Variants in SLC38A9 observed in about 807,000 individuals in gnomAD.
SLC38A9 encodes the protein solute carrier family 38 member 9, also known as neutral amino acid transporter 9.
SLC38A9 carries 48 observed loss-of-function variants against 62.3 expected under a neutral mutation model. The observed-to-expected ratio is 0.77, with a 90% CI of 0.61 to 0.98. The LOEUF is 0.98. Among genes scored for constraint, SLC38A9 ranks in the 50% least tolerant of loss-of-function variants. SLC38A9 has a pLI of 0.00. For missense variants in SLC38A9, 541 were observed against 679.8 expected, an observed-to-expected ratio of 0.80 and a Z score of 2.27; for synonymous variants, 204 against 227.7, an observed-to-expected ratio of 0.90 and a Z score of 0.94.
chr5:55,650,635 T>C (rs576647678), intron 10 of SLC38A9, among the ~76,000 whole-genome samples: 3 of 152,332 alleles, frequency 2.0e-5, no homozygotes, highest in Non-Finnish European at 4.4e-5. Context: ...CGCCAGAGCT[T>C]ATATAACCAC....
At chr5:55,660,299 G>A (rs1226623995) in intron 8 of SLC38A9, among the ~76,000 whole-genome samples, 1 of 151,988 alleles carries the variant, frequency 6.6e-6, no homozygotes, top group African/African-American at 2.4e-5. Flanking sequence ...TGTAGTCTCA[G>A]CTACTCGGGA....
chr5:55,669,163 G>T, intron 7 of SLC38A9, 65 bp downstream of exon 7: 10 of 1,177,732 alleles, frequency 8.5e-6, no homozygotes, highest in Non-Finnish European at 1.2e-5. Context: ...ACACACTAGT[G>T]ATCTGCCTCA....
chr5:55,691,241 C>A, intron 3 of SLC38A9: 2 of 1,151,702 alleles, frequency 1.7e-6, no homozygotes, highest in East Asian at 2.6e-5. Flanking sequence ...TAGACTAAGT[C>A]TCTGACATAT....
chr5:55,639,786 T>C (rs886512469), intron 12 of SLC38A9, among the ~76,000 whole-genome samples: 2 of 152,108 alleles, frequency 1.3e-5, no homozygotes, highest in Non-Finnish European at 2.9e-5. Flanking sequence ...AGAGAGTATA[T>C]ATATTTACAT....
intron 9 of SLC38A9, among the ~76,000 whole-genome samples, chr5:55,653,664 CTT>C (rs1234961775): frequency 2.1e-5 from 3 of 144,744 alleles, no homozygotes. Context: ...ATGTATGTTT[CTT>C]TTTTTTTTTT....
At chr5:55,652,975 T>C (rs1335215613) in intron 9 of SLC38A9, among the ~76,000 whole-genome samples, 1 of 152,172 alleles carries the variant, frequency 6.6e-6, no homozygotes, top group Non-Finnish European at 1.5e-5. Context: ...TTTTTATTTA[T>C]TTATTTTCTG....
intron 15 of SLC38A9, 73 bp from the exon 16 acceptor site, chr5:55,626,732 C>T: frequency 7.5e-7 from 1 of 1,337,658 alleles, no homozygotes; most frequent in South Asian, 2.0e-5. Context: ...AAACATAGTA[C>T]AATTTAAATC....
In SLC38A9 at chr5:55,671,917, C is replaced by A. The variant is rs564864897; in HGVS notation, c.246+646G>T. On this transcript the variant is annotated intron_variant, in intron 4 of 15. Transcript: ENST00000396865. ...GATGCAGTGGCACAATCACAGCTCA[C>A]TGCATCCTCAAGGGATCCATCCTGG... Among the ~76,000 whole-genome samples the A allele has an allele frequency of 4.6e-5, 7 of 152,284 alleles. No homozygotes were observed. The South Asian group carries it at 1.5e-3, about 32-fold the overall frequency.
rs1750917701 is a variant in SLC38A9, at chr5:55,669,289, T to A, written c.465A>T (p.Ile155=). ...AATAAAGTGTTAAAAGGCCCATCAG[T>A]ATGATGACACACATTCCAGTAGTAA... ...AGFTTGMCVI[I]LMGLLTLYCC... The change falls in exon 7 of 16, where the codon ATA becomes ATT. Residue 155 remains isoleucine (I), a synonymous_variant. Transcript: ENST00000396865. 1.2e-6 allele frequency: 2 copies of A among 1,613,308 alleles called. No individual in the cohort carries two copies. The highest frequency in any genetic ancestry group is 1.3e-5 in the African/African-American group (1 of 75,034).
At chr5:55,662,407 C>T (rs7718437) in intron 8 of SLC38A9, among the ~76,000 whole-genome samples, 90,992 of 151,954 alleles carry the variant, frequency 0.6, 27,835 homozygotes, top group South Asian at 0.7. Context: ...TGCCATGGCT[C>T]ACACCTGTAA....
At chr5:55,642,763 A>C (rs1247388226) in intron 12 of SLC38A9, among the ~76,000 whole-genome samples, 1 of 152,230 alleles carries the variant, frequency 6.6e-6, no homozygotes, top group Non-Finnish European at 1.5e-5. Context: ...GTTCACCAAG[A>C]TAGGAAGTAT....
intron 12 of SLC38A9, 119 bp downstream of exon 12, chr5:55,645,670 A>G (rs1291243675): frequency 4.1e-6 from 3 of 732,480 alleles, no homozygotes; most frequent in East Asian, 5.5e-5. Context: ...TAAGTTTAAA[A>G]ATTAAGATCT....
intron 12 of SLC38A9, 58 bp downstream of exon 12, chr5:55,645,731 G>T: frequency 1.7e-6 from 2 of 1,187,392 alleles, no homozygotes; most frequent in Non-Finnish European, 2.4e-6. Flanking sequence ...CTCAAATACT[G>T]ACTTAAAAAA....
At chr5:55,678,079 A>G (rs1252679459) in intron 3 of SLC38A9, among the ~76,000 whole-genome samples, 1 of 151,444 alleles carries the variant, frequency 6.6e-6, no homozygotes, top group African/African-American at 2.4e-5. Context: ...CTTAGGGGAC[A>G]GGCTAGAGAG....
intron 12 of SLC38A9, among the ~76,000 whole-genome samples, chr5:55,636,662 A>G (rs1744441175): frequency 6.6e-6 from 1 of 152,252 alleles, no homozygotes. Context: ...TAAATGGGCT[A>G]GCTAACGTAG....
intron 2 of SLC38A9, among the ~76,000 whole-genome samples, chr5:55,708,980 C>G (rs1757655026): frequency 6.6e-6 from 1 of 152,182 alleles, no homozygotes; most frequent in Admixed American, 6.5e-5. Context: ...CTGGTGGAAG[C>G]AGTTATGCTA....
Position 55,674,113 on chromosome 5 carries a change from A to T in SLC38A9, c.114-1418T>A, listed in dbSNP as rs530494326. Among the ~76,000 whole-genome samples the T allele has an allele frequency of 2.5e-4, 38 of 152,356 alleles. 1 individual carries two copies. Among genetic ancestry groups the T allele is most frequent in the Non-Finnish European group, 4.0e-4 (27 of 68,026 alleles). On this transcript the variant is annotated intron_variant, in intron 3 of 15. Coordinates refer to ENST00000396865, the MANE Select transcript of SLC38A9 (RefSeq NM_173514.4). ...TCTGTGATATTTGAGAAATGGTAGCAGAGGTGTTAAACTTAGTTTTATCTC... is the reference window on the plus strand; with the variant it reads ...TCTGTGATATTTGAGAAATGGTAGCTGAGGTGTTAAACTTAGTTTTATCTC...
Position 55,649,310 on chromosome 5 carries a change from T to G in SLC38A9, c.957A>C (p.Thr319=). 6.4e-7 allele frequency: 1 copy of G among 1,559,532 alleles called. No individual in the cohort carries two copies. Among genetic ancestry groups the G allele is most frequent in the Non-Finnish European group, 8.6e-7 (1 of 1,157,274 alleles). ...SFFSKFNILG[T]VSVLYLIFLV... ...GGAAAATCAAATAAAGGACAGACAC[T>G]GTGCCTGTGAGGAAAAAATTCAGAA... is the stretch of plus-strand genomic sequence containing the variant. The change falls in exon 11 of 16, where the codon ACA becomes ACC. Residue 319 remains threonine, a synonymous_variant. Transcript: ENST00000396865.
At chr5:55,679,750 A>G (rs924262504) in intron 3 of SLC38A9, among the ~76,000 whole-genome samples, 5 of 152,216 alleles carry the variant, frequency 3.3e-5, no homozygotes, top group African/African-American at 1.2e-4. Flanking sequence ...ACTCCATTCC[A>G]TCTACTATCT....
Sources: gnomAD v4.1 joint callset for allele counts (sites outside exome capture counted in the v4.1 genomes callset) on GRCh38, gnomAD v4.1.1 for gene constraint, MANE v1.5 for transcripts, NCBI Gene and HGNC (gene_info 2026-07-23, HGNC 2026-07-21) for gene names.